The following ACBD6 variants were observed in gnomAD, a reference collection of about 807,000 sequenced individuals.
ACBD6 encodes acyl-CoA binding domain containing 6.
In ACBD6, 28 loss-of-function variants were observed where a neutral mutation model predicts 37.2. The observed-to-expected ratio is 0.75, with a 90% CI of 0.56 to 1.03. The LOEUF is 1.03. Ranked by LOEUF, ACBD6 falls within the 50% of genes least tolerant of loss-of-function variation. ACBD6 has a pLI of 0.00. For missense variants in ACBD6, 340 were observed against 337.4 expected, an observed-to-expected ratio of 1.01 and a Z score of -0.06; for synonymous variants, 113 against 126.8, an observed-to-expected ratio of 0.89 and a Z score of 0.73.
At chr1:180,422,075 T>C (rs751776902) in intron 4 of ACBD6, among the ~76,000 whole-genome samples, 3 of 152,218 alleles carry the variant, frequency 2.0e-5, no homozygotes, top group Non-Finnish European at 4.4e-5. Context: ...AAGTATGCCT[T>C]TCCTATAGCA....
At chr1:180,417,274 T>G (rs1049620365) in intron 4 of ACBD6, among the ~76,000 whole-genome samples, 2 of 152,202 alleles carry the variant, frequency 1.3e-5, no homozygotes, top group African/African-American at 4.8e-5. Context: ...ATTACCATTC[T>G]CCTTTTCCAC....
chr1:180,383,376 G>C (rs1335675349), intron 6 of ACBD6, among the ~76,000 whole-genome samples: 1 of 152,044 alleles, frequency 6.6e-6, no homozygotes, highest in East Asian at 1.9e-4. Context: ...AAAATCAGTA[G>C]GGTTTCCGTA....
exon 14 of ACBD6, chr1:180,271,040 T>G: frequency 2.6e-6 from 1 of 378,466 alleles, no homozygotes; most frequent in Non-Finnish European, 5.1e-6. Context: ...CTCATGAGGA[T>G]GTGTGAGCAG....
At chr1:180,444,459 G>A (rs1649403165) in intron 3 of ACBD6, among the ~76,000 whole-genome samples, 1 of 152,002 alleles carries the variant, frequency 6.6e-6, no homozygotes, top group South Asian at 2.1e-4. Context: ...ATGTTTTGTG[G>A]GGAAATAAAA....
Position 180,502,354 on chromosome 1 carries a change from T to G in ACBD6, c.-88A>C. ...GGCTTGGAGGCCTGGCCCACCAGTC[T>G]GGGTCGCGAGCCTGAGCTCCAGTCG... On this transcript the variant is annotated 5_prime_UTR_variant, in exon 1 of 8. Transcript: ENST00000367595. 1 of 1,463,304 alleles carries G rather than the reference T, an allele frequency of 6.8e-7. No individual in the cohort carries two copies. The highest frequency in any genetic ancestry group is 9.4e-7 in the Non-Finnish European group (1 of 1,062,712). The allele number at this position is 1,463,304 out of a possible 1,614,324, so 90.6% of individuals were successfully genotyped here. A position where few individuals can be genotyped will look rare whatever the true frequency, so the allele number is the denominator to read the frequency against.
chr1:180,278,012 G>GTGAT (rs1649142810), intron 9 of ACBD6: 1 of 152,174 alleles, frequency 6.6e-6, no homozygotes, highest in Non-Finnish European at 1.5e-5. Context: ...GCTCAAACTG[G>GTGAT]TGATTTCCAA....
rs554563401 is a variant in ACBD6, at chr1:180,502,344, C to T, written c.-78G>A. The T allele has an allele frequency of 2.0e-5, 30 of 1,513,384 alleles. No individual in the cohort carries two copies. The East Asian group carries it at 5.4e-4, about 27-fold the overall frequency. The allele number at this position is 1,513,384 out of a possible 1,614,324, so 93.7% of individuals were successfully genotyped here. A position where few individuals can be genotyped will look rare whatever the true frequency, so the allele number is the denominator to read the frequency against. Reference sequence around the variant, plus strand: ...GTGTAAGGCCGGCTTGGAGGCCTGGCCCACCAGTCTGGGTCGCGAGCCTGA... The same window carrying T: ...GTGTAAGGCCGGCTTGGAGGCCTGGTCCACCAGTCTGGGTCGCGAGCCTGA... On this transcript the variant is annotated 5_prime_UTR_variant, in exon 1 of 8. Coordinates refer to ENST00000367595, the MANE Select transcript of ACBD6 (RefSeq NM_032360.4).
At chr1:180,389,675 T>C (rs937306310) in intron 6 of ACBD6, among the ~76,000 whole-genome samples, 73 of 152,296 alleles carry the variant, frequency 4.8e-4, no homozygotes, top group African/African-American at 1.7e-3. Flanking sequence ...TGTTTCCTGA[T>C]TTTTTAATGA....
chr1:180,463,908 A>C (rs1650245296), intron 3 of ACBD6, among the ~76,000 whole-genome samples: 1 of 152,252 alleles, frequency 6.6e-6, no homozygotes, highest in African/African-American at 2.4e-5. Context: ...CAACATACGC[A>C]AATCAATAAA....
At chr1:180,318,175 CA>C (rs1553291889) in intron 6 of ACBD6, among the ~76,000 whole-genome samples, 6 of 102,750 alleles carry the variant, frequency 5.8e-5, no homozygotes, top group Admixed American at 2.0e-4. Context: ...CCCCCCCCCC[CA>C]AAAAAAAAAG....
chr1:180,309,534 A>AAG (rs1650508159), intron 7 of ACBD6, among the ~76,000 whole-genome samples: 16 of 152,196 alleles, frequency 1.1e-4, no homozygotes, highest in Admixed American at 9.8e-4. Context: ...GCACTGAAAA[A>AAG]CACCTGAATG....
chr1:180,444,678 A>T (rs1050934062), intron 3 of ACBD6, among the ~76,000 whole-genome samples: 1 of 152,070 alleles, frequency 6.6e-6, no homozygotes, highest in Non-Finnish European at 1.5e-5. Flanking sequence ...ATTTCTCTCT[A>T]CTCAAAATCC....
chr1:180,398,639 C>CT (rs1357537291), intron 5 of ACBD6, among the ~76,000 whole-genome samples: 3 of 152,126 alleles, frequency 2.0e-5, no homozygotes, highest in Non-Finnish European at 4.4e-5. Context: ...CTCACAGTTA[C>CT]TATTACGTGT....
At chr1:180,409,857 A>G (rs1222498018) in intron 5 of ACBD6, among the ~76,000 whole-genome samples, 1 of 152,220 alleles carries the variant, frequency 6.6e-6, no homozygotes, top group African/African-American at 2.4e-5. Context: ...ACCTTCAATC[A>G]AATGCCAGAA....
chr1:180,340,127 T>C (rs181744071), intron 6 of ACBD6, among the ~76,000 whole-genome samples: 21 of 152,046 alleles, frequency 1.4e-4, no homozygotes, highest in Non-Finnish European at 2.2e-4. Context: ...AGATTAGTAA[T>C]AGGAGATGAG....
At chr1:180,416,354 A>G (rs1391900219) in intron 4 of ACBD6, among the ~76,000 whole-genome samples, 1 of 152,202 alleles carries the variant, frequency 6.6e-6, no homozygotes, top group Non-Finnish European at 1.5e-5. Context: ...CTTGCCCACT[A>G]TATCCATGCT....
chr1:180,466,768 T>C (rs1650362558), intron 3 of ACBD6, among the ~76,000 whole-genome samples: 2 of 152,158 alleles, frequency 1.3e-5, no homozygotes, highest in South Asian at 4.1e-4. Context: ...GTTTTGTTTT[T>C]TTCTTTCTTA....
intron 6 of ACBD6, among the ~76,000 whole-genome samples, chr1:180,371,996 T>A (rs994486008): frequency 6.6e-6 from 1 of 152,172 alleles, no homozygotes; most frequent in Non-Finnish European, 1.5e-5. Context: ...ACGTGGTAGT[T>A]GAACCTGAGT....
chr1:180,361,718 C>G (rs1652861413), intron 6 of ACBD6, among the ~76,000 whole-genome samples: 2 of 152,066 alleles, frequency 1.3e-5, no homozygotes, highest in African/African-American at 4.8e-5. Flanking sequence ...GGTAAAACCC[C>G]ACATTTTACA....
Sources: allele counts gnomAD v4.1 joint callset (sites outside exome capture counted in the v4.1 genomes callset), GRCh38; gene constraint gnomAD v4.1.1; transcripts MANE v1.5; gene names NCBI Gene and HGNC (gene_info 2026-07-23, HGNC 2026-07-21).